TRPC5: variants seen among roughly 807,000 people sequenced by gnomAD.
TRPC5 encodes short transient receptor potential channel 5.
A neutral mutation model predicts 56.5 loss-of-function variants in TRPC5; 9 were observed. The ratio of observed to expected loss-of-function variants is 0.16; its 90% CI spans 0.10 to 0.28. TRPC5 has a LOEUF of 0.28. TRPC5 is among the 10% of genes least tolerant of loss of function. The pLI is 1.00. For missense variants in TRPC5, 469 were observed against 748.9 expected, an observed-to-expected ratio of 0.63 and a Z score of 4.36; for synonymous variants, 282 against 278.5, an observed-to-expected ratio of 1.01 and a Z score of -0.13.
chrX:111,993,189 A>G (rs1246450865), intron 1 of TRPC5, among the ~76,000 whole-genome samples: 1 of 109,915 alleles, frequency 9.1e-6, no homozygotes, highest in Non-Finnish European at 1.9e-5. Context: ...GCTGAGAATG[A>G]TGGTTTCCAG....
At chrX:111,858,756 G>T (rs1186524497) in intron 3 of TRPC5, among the ~76,000 whole-genome samples, 1 of 111,842 alleles carries the variant, frequency 8.9e-6, no homozygotes, top group Non-Finnish European at 1.9e-5. Context: ...GTGAAGTTTG[G>T]CAGTTACCCA....
intron 7 of TRPC5, among the ~76,000 whole-genome samples, chrX:111,825,685 C>T (rs940800285): frequency 8.0e-5 from 9 of 111,828 alleles, no homozygotes; most frequent in African/African-American, 2.9e-4. Flanking sequence ...CCCCTTTTAT[C>T]CTTGGAGTTC....
At chrX:111,842,987 T>C (rs1181511936) in intron 6 of TRPC5, among the ~76,000 whole-genome samples, 1 of 112,719 alleles carries the variant, frequency 8.9e-6, no homozygotes, top group Non-Finnish European at 1.9e-5. Flanking sequence ...TGGTGAAATC[T>C]GAATGAGGCC....
intron 1 of TRPC5, among the ~76,000 whole-genome samples, chrX:112,020,273 G>T (rs1569529675): frequency 8.9e-6 from 1 of 112,108 alleles, no homozygotes; most frequent in African/African-American, 3.2e-5. Context: ...TTGTTTAAGA[G>T]GTGAGTAACT....
chrX:112,009,367 C>T (rs758624220), intron 1 of TRPC5, among the ~76,000 whole-genome samples: 1 of 111,463 alleles, frequency 9.0e-6, no homozygotes, highest in Non-Finnish European at 1.9e-5. Context: ...CGGGTATCTT[C>T]ATCATGATCA....
intron 7 of TRPC5, among the ~76,000 whole-genome samples, chrX:111,817,394 T>G (rs968430289): frequency 9.5e-6 from 1 of 104,940 alleles, no homozygotes; most frequent in African/African-American, 3.5e-5. Context: ...TGGTGCCGTC[T>G]TGGCTCACTG....
intron 1 of TRPC5, among the ~76,000 whole-genome samples, chrX:112,037,629 C>T (rs1414195243): frequency 9.0e-6 from 1 of 111,411 alleles, no homozygotes; most frequent in Non-Finnish European, 1.9e-5. Context: ...TTCTGTTTCC[C>T]TCTGCTCTGG....
chrX:111,947,909 C>A (rs778828156), intron 2 of TRPC5, among the ~76,000 whole-genome samples: 1 of 111,979 alleles, frequency 8.9e-6, no homozygotes, highest in Non-Finnish European at 1.9e-5. Context: ...ACTCAAGGAA[C>A]TTTTATTATC....
chrX:111,968,838 G>A (rs1264666779), intron 1 of TRPC5, among the ~76,000 whole-genome samples: 3 of 61,350 alleles, frequency 4.9e-5, no homozygotes, highest in South Asian at 1.7e-3. Flanking sequence ...GGTGGGGGGA[G>A]GGGGGAGGGA....
chrX:111,941,821 C>T (rs921435448), intron 2 of TRPC5, among the ~76,000 whole-genome samples: 1 of 112,055 alleles, frequency 8.9e-6, no homozygotes, highest in Non-Finnish European at 1.9e-5. Flanking sequence ...CATGTGGGCT[C>T]CTCCTCTGGA....
At chrX:111,946,865 T>C (rs1926945404) in intron 2 of TRPC5, among the ~76,000 whole-genome samples, 1 of 112,139 alleles carries the variant, frequency 8.9e-6, no homozygotes, top group Non-Finnish European at 1.9e-5. Context: ...ATGTGATTGG[T>C]GTCAAGTGAA....
At chrX:111,841,416 A>T (rs763279709) in intron 6 of TRPC5, among the ~76,000 whole-genome samples, 5 of 111,648 alleles carry the variant, frequency 4.5e-5, no homozygotes, top group Middle Eastern at 4.6e-3. Flanking sequence ...CTTACCATCT[A>T]TGCAACTCGG....
At chrX:111,840,048 T>C (rs1210938795) in intron 6 of TRPC5, among the ~76,000 whole-genome samples, 3 of 111,986 alleles carry the variant, frequency 2.7e-5, no homozygotes, top group African/African-American at 9.7e-5. Context: ...CGGGCGCCTG[T>C]AGTCCCAGCT....
intron 1 of TRPC5, among the ~76,000 whole-genome samples, chrX:112,007,488 T>C (rs760455784): frequency 9.0e-6 from 1 of 111,580 alleles, no homozygotes; most frequent in African/African-American, 3.3e-5. Context: ...ATGCTTTCTT[T>C]GGACTATAAA....
chrX:111,928,481 C>T (rs1344233147), intron 2 of TRPC5, among the ~76,000 whole-genome samples: 2 of 112,264 alleles, frequency 1.8e-5, no homozygotes, highest in African/African-American at 6.5e-5. Flanking sequence ...GTCCCTATCC[C>T]ATAATTTCTC....
At chrX:112,052,527 A>C (rs1930240550) in intron 1 of TRPC5, among the ~76,000 whole-genome samples, 1 of 111,749 alleles carries the variant, frequency 8.9e-6, no homozygotes, top group African/African-American at 3.3e-5. Flanking sequence ...TTTGGATATT[A>C]ACATCTTATC....
chrX:111,937,256 A>T (rs1210397735), intron 2 of TRPC5, among the ~76,000 whole-genome samples: 2 of 104,987 alleles, frequency 1.9e-5, no homozygotes, highest in African/African-American at 3.7e-5. Context: ...CCTTTGTCAG[A>T]TGAGTAGGTT....
In TRPC5 at chrX:112,006,905, GA is replaced by G. The variant is rs1004100808; in HGVS notation, c.-21-54465del. Reference sequence around the variant, plus strand: ...TGAAATTGCAGGGCTCCTTGTTAAAGAAAAAAAAATTAGGACTTTCAAGGTG... The same window carrying G: ...TGAAATTGCAGGGCTCCTTGTTAAAGAAAAAAAATTAGGACTTTCAAGGTG... On this transcript the variant is annotated intron_variant, in intron 1 of 10. Transcript: ENST00000262839. Among the ~76,000 whole-genome samples the G allele has an allele frequency of 1.1e-4, 12 of 110,437 alleles. No individual in the cohort carries two copies. The East Asian group carries it at 2.9e-3, about 26-fold the overall frequency.
chrX:111,878,446 C>A, intron 3 of TRPC5, among the ~76,000 whole-genome samples: 1 of 111,722 alleles, frequency 9.0e-6, no homozygotes, highest in South Asian at 3.7e-4. Context: ...AACCACAGTG[C>A]CCACAAGAAA....
Sources: allele counts gnomAD v4.1 joint callset (sites outside exome capture counted in the v4.1 genomes callset), GRCh38; gene constraint gnomAD v4.1.1; transcripts MANE v1.5; gene names NCBI Gene and HGNC (gene_info 2026-07-23, HGNC 2026-07-21).